Variants in RILPL1 observed in about 807,000 individuals in gnomAD.
RILPL1 encodes the protein Rab interacting lysosomal protein like 1, also known as RILP-like protein 1.
Under a neutral mutation model 50.3 loss-of-function variants are expected in RILPL1, and 33 were observed. The observed-to-expected ratio is 0.66, with a 90% CI of 0.50 to 0.88. RILPL1 has a LOEUF of 0.88. Among genes scored for constraint, RILPL1 ranks in the 40% least tolerant of loss-of-function variants. The pLI is 0.00. For synonymous variants in RILPL1, 205 were observed against 228.6 expected (o/e 0.90, Z 0.93); for missense variants, 418 against 542.5 (o/e 0.77, Z 2.28).
chr12:123,513,801 C>A (rs1884531165), intron 2 of RILPL1: 1 of 152,082 alleles, frequency 6.6e-6, no homozygotes, highest in African/African-American at 2.4e-5. Flanking sequence ...TCATACACAC[C>A]CAGCAATTCA....
At chr12:123,480,192 G>A (rs1228333335) in intron 6 of RILPL1, among the ~76,000 whole-genome samples, 9 of 143,988 alleles carry the variant, frequency 6.3e-5, no homozygotes, top group African/African-American at 1.8e-4. Flanking sequence ...ATGGGGTATC[G>A]CTCTGTTGTC....
intron 2 of RILPL1, among the ~76,000 whole-genome samples, chr12:123,512,026 AGTGT>A (rs1171250162): frequency 9.4e-5 from 5 of 53,060 alleles, no homozygotes; most frequent in Non-Finnish European, 1.4e-4. Context: ...CTGTGTGTGT[AGTGT>A]GTGAGGTTTG....
At chr12:123,510,667 G>C (rs1374952484) in intron 2 of RILPL1, among the ~76,000 whole-genome samples, 215 of 120,484 alleles carry the variant, frequency 1.8e-3, no homozygotes, top group African/African-American at 5.9e-3. Context: ...TGTGTATGGT[G>C]TGTGTGAGGT....
rs1884969661 is a variant in RILPL1, at chr12:123,520,669, A to G, written c.460+2826T>C. On this transcript the variant is annotated intron_variant, in intron 2 of 6. Coordinates refer to ENST00000376874, the MANE Select transcript of RILPL1 (RefSeq NM_178314.5). ...AGGCCCAGGCTTACTTTGCTGCTAGAAAACTTTCTAATGTCCAAGTCACCG... is the reference window on the plus strand; with the variant it reads ...AGGCCCAGGCTTACTTTGCTGCTAGGAAACTTTCTAATGTCCAAGTCACCG... Among the ~76,000 whole-genome samples, 3 of 152,200 alleles carry G rather than the reference A, an allele frequency of 2.0e-5. No homozygotes were observed. The South Asian group carries it at 6.2e-4, about 32-fold the overall frequency.
intron 1 of RILPL1, among the ~76,000 whole-genome samples, chr12:123,527,648 C>A (rs962705731): frequency 2.5e-4 from 38 of 151,830 alleles, no homozygotes; most frequent in African/African-American, 8.5e-4. Context: ...GGGTGACAGA[C>A]TGAAACTGTG....
intron 5 of RILPL1, among the ~76,000 whole-genome samples, chr12:123,484,613 C>T (rs1882207544): frequency 6.6e-6 from 1 of 151,902 alleles, no homozygotes; most frequent in South Asian, 2.1e-4. Flanking sequence ...CCACCCCATC[C>T]ACAAACTCGA....
At chr12:123,501,836 G>T (rs1286259798) in intron 2 of RILPL1, among the ~76,000 whole-genome samples, 1 of 151,640 alleles carries the variant, frequency 6.6e-6, no homozygotes, top group Non-Finnish European at 1.5e-5. Context: ...TAGCACTCTG[G>T]GTGGCCCAGG....
chr12:123,495,313 T>C (rs1336595338), intron 4 of RILPL1, among the ~76,000 whole-genome samples: 1 of 151,956 alleles, frequency 6.6e-6, no homozygotes. Flanking sequence ...CAGCTGTACC[T>C]GAAGCTACCC....
rs557464737 is a variant in RILPL1, at chr12:123,518,221, G to C, written c.460+5274C>G. ...TGTACACTTAAAAATGATTAAGACA[G>C]GGCCGGGTGCGGTTGCTCACACCTG... is the stretch of plus-strand genomic sequence containing the variant. On this transcript the variant is annotated intron_variant, in intron 2 of 6. Coordinates refer to ENST00000376874, the MANE Select transcript of RILPL1 (RefSeq NM_178314.5). Among the ~76,000 whole-genome samples the C allele has an allele frequency of 1.3e-4, 20 of 152,198 alleles. No individual in the cohort carries two copies. In the South Asian group the frequency reaches 3.9e-3, roughly 30 times the overall value.
chr12:123,479,432 A>G (rs1167043516), intron 6 of RILPL1, among the ~76,000 whole-genome samples: 1 of 152,130 alleles, frequency 6.6e-6, no homozygotes, highest in Non-Finnish European at 1.5e-5. Context: ...GGAAGGACGG[A>G]AGAGACCCAG....
intron 6 of RILPL1, among the ~76,000 whole-genome samples, chr12:123,481,838 T>C (rs1882025341): frequency 6.6e-6 from 1 of 152,042 alleles, no homozygotes; most frequent in South Asian, 2.1e-4. Context: ...ATTACAAGCC[T>C]GAGCCACCGA....
At chr12:123,476,428 C>T (rs927654826) in intron 6 of RILPL1, among the ~76,000 whole-genome samples, 3 of 148,062 alleles carry the variant, frequency 2.0e-5, no homozygotes, top group South Asian at 2.2e-4. Flanking sequence ...GCAACAAGAG[C>T]AAAACTCCAT....
intron 4 of RILPL1, among the ~76,000 whole-genome samples, chr12:123,493,367 C>T (rs1002592753): frequency 2.0e-5 from 3 of 152,182 alleles, no homozygotes; most frequent in Non-Finnish European, 1.5e-5. Context: ...CCTGACACAT[C>T]CCCCTCTCGG....
At chr12:123,493,854 G>A (rs558989639) in intron 4 of RILPL1, among the ~76,000 whole-genome samples, 2 of 149,742 alleles carry the variant, frequency 1.3e-5, no homozygotes, top group African/African-American at 2.5e-5. Context: ...GCTTGATCTC[G>A]GCTCAATGCA....
At chr12:123,514,864 G>A (rs1024958151) in intron 2 of RILPL1, among the ~76,000 whole-genome samples, 1 of 151,888 alleles carries the variant, frequency 6.6e-6, no homozygotes, top group Admixed American at 6.6e-5. Context: ...CTTTAAAATT[G>A]TTATCTGTAT....
chr12:123,504,358 C>T (rs183957270), intron 2 of RILPL1, among the ~76,000 whole-genome samples: 2 of 152,178 alleles, frequency 1.3e-5, no homozygotes, highest in East Asian at 1.9e-4. Flanking sequence ...GAGTCCTTGC[C>T]GCTGACCTCC....
At chr12:123,503,604 C>A (rs1161875540) in intron 2 of RILPL1, among the ~76,000 whole-genome samples, 1 of 152,032 alleles carries the variant, frequency 6.6e-6, no homozygotes, top group Non-Finnish European at 1.5e-5. Context: ...GGTCCCGTGG[C>A]CTTCTCCTCT....
intron 1 of RILPL1, among the ~76,000 whole-genome samples, chr12:123,525,717 A>AAAAG (rs1885227491): frequency 2.2e-5 from 3 of 133,360 alleles, no homozygotes; most frequent in Non-Finnish European, 3.2e-5. Context: ...AAAAAAAAAA[A>AAAAG]AAAAAAAGAA....
intron 4 of RILPL1, among the ~76,000 whole-genome samples, chr12:123,488,613 A>G (rs1332952062): frequency 6.6e-6 from 1 of 152,180 alleles, no homozygotes. Context: ...CTGTTCTGGG[A>G]AAGGACGTGT....
Sources: allele counts gnomAD v4.1 joint callset (sites outside exome capture counted in the v4.1 genomes callset), GRCh38; gene constraint gnomAD v4.1.1; transcripts MANE v1.5; gene names NCBI Gene and HGNC (gene_info 2026-07-23, HGNC 2026-07-21).